Variants in PCDHGA1 observed in about 807,000 individuals in gnomAD.
The protein encoded by PCDHGA1 is protocadherin gamma subfamily A, 1, also known as protocadherin gamma-A1.
Under a neutral mutation model 58.0 loss-of-function variants are expected in PCDHGA1, and 32 were observed. The ratio of observed to expected loss-of-function variants is 0.55; its 90% confidence interval spans 0.42 to 0.74. PCDHGA1 has a LOEUF of 0.74. PCDHGA1 is among the 30% of genes least tolerant of loss of function. The pLI, the probability that PCDHGA1 is intolerant of heterozygous loss-of-function variation, is 0.00. For missense variants in PCDHGA1, 1,205 were observed against 1,182.3 expected, an observed-to-expected ratio of 1.02 and a Z score of -0.28; for synonymous variants, 498 against 501.1, an observed-to-expected ratio of 0.99 and a Z score of 0.08.
intron 1 of PCDHGA1, chr5:141,383,907 A>T: frequency 1.2e-6 from 2 of 1,613,958 alleles, no homozygotes; most frequent in Non-Finnish European, 1.7e-6. Flanking sequence ...TACTGATCAC[A>T]GTTTTAGATG....
At chr5:141,418,479 C>G (rs375821205) in intron 1 of PCDHGA1, 3 of 1,614,010 alleles carry the variant, frequency 1.9e-6, no homozygotes, top group Non-Finnish European at 1.7e-6. Context: ...ACGCAGAGCG[C>G]TCACCACTTG....
intron 1 of PCDHGA1, chr5:141,433,025 G>A: frequency 6.2e-7 from 1 of 1,614,144 alleles, no homozygotes; most frequent in Non-Finnish European, 8.5e-7. Context: ...CTATTCCCAC[G>A]AGGTTTCCCT....
At chr5:141,471,111 C>T (rs529680278) in intron 1 of PCDHGA1, among the ~76,000 whole-genome samples, 1 of 146,150 alleles carries the variant, frequency 6.8e-6, no homozygotes, top group African/African-American at 2.6e-5. Flanking sequence ...TGCAGTGGTG[C>T]GATCTTACCT....
chr5:141,340,856 G>A, intron 1 of PCDHGA1: 1 of 1,613,640 alleles, frequency 6.2e-7, no homozygotes, highest in Non-Finnish European at 8.5e-7. Flanking sequence ...GGTGCGCACG[G>A]CGCGAGCCCT....
intron 1 of PCDHGA1, chr5:141,366,320 G>A: frequency 4.3e-6 from 7 of 1,613,788 alleles, no homozygotes; most frequent in East Asian, 2.2e-5. Flanking sequence ...CACCGTTGCC[G>A]TGGCCGACAG....
At chr5:141,372,226 C>A (rs1238266870) in intron 1 of PCDHGA1, 1 of 1,613,332 alleles carries the variant, frequency 6.2e-7, no homozygotes, top group Non-Finnish European at 8.5e-7. Flanking sequence ...ATTGTGCAGG[C>A]CAGCGAGCCC....
At position 141,331,889 on chromosome 5, in the gene PCDHGA1, A is replaced by G. The variant is rs780857946; in HGVS notation, c.1205A>G (p.Tyr402Cys). 6.2e-7 allele frequency: 1 copy of G among 1,614,148 alleles called. No individual in the cohort carries two copies. Among genetic ancestry groups the G allele is most frequent in the South Asian group, 1.1e-5 (1 of 91,084 alleles). Residue 402 changes from tyrosine to cysteine, a missense_variant, in exon 1 of 4, where the codon TAC (tyrosine) becomes TGC (cysteine). Transcript: ENST00000517417. ...TTGGAAAAGTTAGTTGATAATTATTACCGTTTAGTGACTGAAAGAACACTG... is the reference window on the plus strand; with the variant it reads ...TTGGAAAAGTTAGTTGATAATTATTGCCGTTTAGTGACTGAAAGAACACTG... ...FKLEKLVDNY[Y>C]RLVTERTLDR...
intron 1 of PCDHGA1, among the ~76,000 whole-genome samples, chr5:141,358,907 T>C (rs1050690126): frequency 3.3e-5 from 5 of 152,202 alleles, no homozygotes; most frequent in African/African-American, 1.2e-4. Context: ...TGAGGGAAAA[T>C]ATTTTGTGTG....
chr5:141,359,010 G>A (rs1338190636), intron 1 of PCDHGA1, among the ~76,000 whole-genome samples: 1 of 152,238 alleles, frequency 6.6e-6, no homozygotes, highest in Admixed American at 6.5e-5. Context: ...ACAAATTAGT[G>A]TAATTTGATA....
intron 1 of PCDHGA1, chr5:141,403,178 T>C (rs1294905670): frequency 6.2e-7 from 1 of 1,613,980 alleles, no homozygotes; most frequent in Middle Eastern, 1.7e-4. Flanking sequence ...GCAGCTTTTC[T>C]CTCTGAACCC....
intron 1 of PCDHGA1, among the ~76,000 whole-genome samples, chr5:141,448,728 C>T (rs575604763): frequency 6.6e-6 from 1 of 151,986 alleles, no homozygotes; most frequent in Non-Finnish European, 1.5e-5. Context: ...ATCACGAGGT[C>T]AGGAGATCGA....
At chr5:141,403,083 T>A (rs775664314) in intron 1 of PCDHGA1, 2 of 1,613,932 alleles carry the variant, frequency 1.2e-6, no homozygotes, top group East Asian at 4.5e-5. Flanking sequence ...AAGGGCTATA[T>A]TGTGGGCAAC....
intron 1 of PCDHGA1, among the ~76,000 whole-genome samples, chr5:141,434,245 T>G (rs921135977): frequency 3.3e-5 from 5 of 152,224 alleles, no homozygotes; most frequent in African/African-American, 1.2e-4. Context: ...CTAGATGACT[T>G]GGGCATTGTG....
intron 1 of PCDHGA1, among the ~76,000 whole-genome samples, chr5:141,353,412 A>G (rs1414392171): frequency 1.3e-5 from 2 of 152,176 alleles, no homozygotes; most frequent in Non-Finnish European, 2.9e-5. Context: ...ATCTTCATCA[A>G]TTACATTCTA....
At chr5:141,418,000 G>T in intron 1 of PCDHGA1, 1 of 1,613,902 alleles carries the variant, frequency 6.2e-7, no homozygotes, top group Non-Finnish European at 8.5e-7. Context: ...GCTCGGTGGT[G>T]GGGAACCTCG....
rs143278253 is a variant in PCDHGA1 at position 141,476,491 on chromosome 5, C to T, written c.2422-18316C>T. 9.5e-5 allele frequency: 153 copies of T among 1,613,894 alleles called. No individual in the cohort carries two copies. The highest frequency in any genetic ancestry group is 5.4e-5 in the Non-Finnish European group (64 of 1,180,020). On this transcript the variant is annotated intron_variant, in intron 1 of 3. Transcript: ENST00000517417. This position sits in a 1 kb window ranked among gnomAD's most constrained non-coding sequence, Gnocchi z 7.6. ...AGCTGTTCAGCGTGGAAGTGGTGAT[C>T]CAGGACATCAACGACAACAATCCTG... is the stretch of plus-strand genomic sequence containing the variant.
In PCDHGA1 at chr5:141,431,048, A is replaced by T; in HGVS notation, c.2422-63759A>T. On this transcript the variant is annotated intron_variant, in intron 1 of 3. Transcript: ENST00000517417. This position sits in a 1 kb window ranked among gnomAD's most constrained non-coding sequence, Gnocchi z 4.8. ...CAGGATAGACCGGGAGGAGCTCTGT[A>T]TGGGGGCCATCAAGTGTCAATTAAA... 6.2e-7 allele frequency: 1 copy of T among 1,614,180 alleles called. No homozygotes were observed. The highest frequency in any genetic ancestry group is 1.1e-5 in the South Asian group (1 of 91,088).
intron 1 of PCDHGA1, chr5:141,385,477 T>C: frequency 7.0e-7 from 1 of 1,433,254 alleles, no homozygotes; most frequent in Non-Finnish European, 9.1e-7. Context: ...GACACTTTAA[T>C]ATAGAACACA....
chr5:141,375,611 G>A lies in PCDHGA1; in HGVS notation c.2421+42506G>A, dbSNP rs1049659012. 8 of 1,614,060 alleles carry A rather than the reference G, an allele frequency of 5.0e-6. No individual in the cohort carries two copies. The African/African-American group carries it at 8.0e-5, about 16-fold the overall frequency. On this transcript the variant is annotated intron_variant, in intron 1 of 3. Transcript: ENST00000517417. ...GTCCTCCTACGTGTCCATCAACTCC[G>A]ACACTGGGATTCTGTACGCCCTGCG...
Sources: gnomAD v4.1 joint callset for allele counts (sites outside exome capture counted in the v4.1 genomes callset) on GRCh38, gnomAD v4.1.1 for gene constraint, Gnocchi (gnomAD v3.1) non-coding constraint, MANE v1.5 for transcripts, NCBI Gene and HGNC (gene_info 2026-07-23, HGNC 2026-07-21) for gene names.